The following SGCZ variants were observed in gnomAD, a reference collection of about 807,000 sequenced individuals.
The protein encoded by SGCZ is sarcoglycan zeta, also known as zeta-sarcoglycan.
A neutral mutation model predicts 41.3 loss-of-function variants in SGCZ; 40 were observed. The observed-to-expected ratio is 0.97, with a 90% CI of 0.75 to 1.26. The LOEUF (loss-of-function observed/expected upper bound fraction) is 1.26, where lower values mean the gene tolerates loss of function less well. SGCZ is among the 50% of genes most tolerant of loss of function. The pLI is 0.00. For missense variants in SGCZ, 552 were observed against 369.8 expected (o/e 1.49, Z -4.04); for synonymous variants, 206 against 137.5 (o/e 1.50, Z -3.49).
chr8:14,708,450 A>G (rs1235606206), intron 1 of SGCZ, among the ~76,000 whole-genome samples: 1 of 151,072 alleles, frequency 6.6e-6, no homozygotes, highest in Admixed American at 6.6e-5. Context: ...TTTTTTAATC[A>G]TTTGGATATT....
intron 1 of SGCZ, among the ~76,000 whole-genome samples, chr8:14,656,091 G>C (rs1278682022): frequency 6.6e-6 from 1 of 151,962 alleles, no homozygotes; most frequent in Non-Finnish European, 1.5e-5. Flanking sequence ...TATGAACGTT[G>C]TTTTTATTTC....
intron 1 of SGCZ, among the ~76,000 whole-genome samples, chr8:15,111,265 T>G (rs1477752076): frequency 6.6e-6 from 1 of 152,036 alleles, no homozygotes; most frequent in East Asian, 1.9e-4. Flanking sequence ...AAACCCCCAT[T>G]TCCACGGCTG....
chr8:15,005,582 T>G (rs890650934), intron 1 of SGCZ, among the ~76,000 whole-genome samples: 1 of 151,916 alleles, frequency 6.6e-6, no homozygotes, highest in Non-Finnish European at 1.5e-5. Flanking sequence ...TCCGCCCACC[T>G]TGGCCTCCCA....
chr8:14,789,929 A>G (rs898972619), intron 1 of SGCZ, among the ~76,000 whole-genome samples: 1 of 152,106 alleles, frequency 6.6e-6, no homozygotes, highest in Non-Finnish European at 1.5e-5. Context: ...AATGTTTTCA[A>G]TTTTTCTCCC....
At chr8:15,100,817 T>C (rs1806581735) in intron 1 of SGCZ, among the ~76,000 whole-genome samples, 1 of 152,024 alleles carries the variant, frequency 6.6e-6, no homozygotes, top group East Asian at 1.9e-4. Context: ...ACCCTGTCTC[T>C]ACAATAATTA....
At chr8:15,108,883 G>C (rs566173440) in intron 1 of SGCZ, among the ~76,000 whole-genome samples, 1 of 151,956 alleles carries the variant, frequency 6.6e-6, no homozygotes, top group African/African-American at 2.4e-5. Context: ...TGTATTAGTT[G>C]TTACGCAGTG....
chr8:14,283,344 C>T lies in SGCZ; in HGVS notation c.336+40759G>A, dbSNP rs76105103. 3.4e-3 allele frequency among the ~76,000 whole-genome samples: 524 copies of T among 152,226 alleles called. 2 individuals carry two copies. Among genetic ancestry groups the T allele is most frequent in the African/African-American group, 0.011 (459 of 41,546 alleles). On this transcript the variant is annotated intron_variant, in intron 3 of 7. Coordinates refer to ENST00000382080, the MANE Select transcript of SGCZ (RefSeq NM_139167.4). Reference sequence around the variant, plus strand: ...AAACTCTCCATCCACTTTCCTCTGTCGCAACTTTCTCAGCATATTACTACA... The same window carrying T: ...AAACTCTCCATCCACTTTCCTCTGTTGCAACTTTCTCAGCATATTACTACA...
intron 2 of SGCZ, among the ~76,000 whole-genome samples, chr8:14,489,368 G>A (rs1472509780): frequency 2.6e-5 from 4 of 151,742 alleles, no homozygotes; most frequent in African/African-American, 4.8e-5. Flanking sequence ...AATTAAGGAC[G>A]TTCTTTCTTC....
intron 1 of SGCZ, among the ~76,000 whole-genome samples, chr8:15,090,142 G>T (rs1585552014): frequency 6.6e-6 from 1 of 152,142 alleles, no homozygotes; most frequent in South Asian, 2.1e-4. Flanking sequence ...AAAAATTCTG[G>T]TTGAATGTTA....
chr8:14,238,732 A>G (rs1009035316), intron 3 of SGCZ, among the ~76,000 whole-genome samples: 12 of 152,126 alleles, frequency 7.9e-5, no homozygotes, highest in Non-Finnish European at 1.2e-4. Context: ...CTCATTATGT[A>G]CAATATAATG....
chr8:14,135,124 G>C (rs984919779), intron 5 of SGCZ, among the ~76,000 whole-genome samples: 3 of 151,894 alleles, frequency 2.0e-5, no homozygotes, highest in Admixed American at 2.0e-4. Context: ...ACATTAACAG[G>C]ATAAATTCCA....
intron 3 of SGCZ, among the ~76,000 whole-genome samples, chr8:14,311,434 T>C (rs1801540197): frequency 6.6e-6 from 1 of 152,106 alleles, no homozygotes; most frequent in South Asian, 2.1e-4. Flanking sequence ...AGGATATGGG[T>C]GCTGAGTCAG....
intron 3 of SGCZ, among the ~76,000 whole-genome samples, chr8:14,319,727 G>A (rs1255911490): frequency 6.6e-6 from 1 of 151,902 alleles, no homozygotes; most frequent in African/African-American, 2.4e-5. Context: ...TAAATATTAT[G>A]AATTCTGACA....
At chr8:14,458,189 CA>C (rs1394178359) in intron 2 of SGCZ, among the ~76,000 whole-genome samples, 5 of 152,086 alleles carry the variant, frequency 3.3e-5, no homozygotes. Context: ...AAATCAACCA[CA>C]ATGTGTGGGG....
chr8:14,357,184 G>C (rs1803330565), intron 2 of SGCZ, among the ~76,000 whole-genome samples: 1 of 152,096 alleles, frequency 6.6e-6, no homozygotes, highest in Admixed American at 6.6e-5. Flanking sequence ...AAAAACCACA[G>C]ATACTTTCAA....
chr8:15,034,095 A>G (rs1803785282), intron 1 of SGCZ, among the ~76,000 whole-genome samples: 1 of 152,354 alleles, frequency 6.6e-6, no homozygotes, highest in East Asian at 1.9e-4. Flanking sequence ...AACCCACAAT[A>G]ATCTTTGAGT....
chr8:14,795,783 C>T (rs139376563), intron 1 of SGCZ, among the ~76,000 whole-genome samples: 2 of 152,114 alleles, frequency 1.3e-5, no homozygotes, highest in African/African-American at 4.8e-5. Flanking sequence ...GGTTTTAAGC[C>T]TAGTACCCAT....
At chr8:14,821,426 C>T (rs73533083) in intron 1 of SGCZ, among the ~76,000 whole-genome samples, 19,405 of 151,882 alleles carry the variant, frequency 0.13, 1,676 homozygotes, top group East Asian at 0.26. Context: ...TTAAACTCTT[C>T]CAGAAAACTA....
intron 1 of SGCZ, among the ~76,000 whole-genome samples, chr8:15,097,182 T>C (rs1385632395): frequency 6.6e-6 from 1 of 152,158 alleles, no homozygotes; most frequent in East Asian, 1.9e-4. Context: ...CCATAAGTCT[T>C]GTACCCTACC....
Sources: gnomAD v4.1 joint callset for allele counts (sites outside exome capture counted in the v4.1 genomes callset) on GRCh38, gnomAD v4.1.1 for gene constraint, MANE v1.5 for transcripts, NCBI Gene and HGNC (gene_info 2026-07-23, HGNC 2026-07-21) for gene names.